Variants in DIP2C observed in about 807,000 individuals in gnomAD.
DIP2C encodes the protein DIP2 acetate--CoA ligase C (putative), also known as disco-interacting protein 2 homolog C.
In DIP2C, 33 loss-of-function variants were observed where a neutral mutation model predicts 192.4. The observed-to-expected ratio is 0.17, with a 90% confidence interval of 0.13 to 0.23. The LOEUF (loss-of-function observed/expected upper bound fraction) is 0.23. Among genes scored for constraint, DIP2C ranks in the 10% least tolerant of loss-of-function variants. The pLI is 1.00. For missense variants in DIP2C, 1,537 were observed against 2,110.1 expected (o/e 0.73, Z 5.32); for synonymous variants, 979 against 864.1 (o/e 1.13, Z -2.33).
intron 3 of DIP2C, among the ~76,000 whole-genome samples, chr10:458,845 G>A (rs367822185): frequency 3.9e-5 from 6 of 152,296 alleles, no homozygotes; most frequent in South Asian, 2.1e-4. Context: ...CAGAGTGCTC[G>A]GAACCCAGAA....
intron 2 of DIP2C, among the ~76,000 whole-genome samples, chr10:486,054 TG>T (rs1843991119): frequency 6.6e-6 from 1 of 152,242 alleles, no homozygotes; most frequent in Non-Finnish European, 1.5e-5. Context: ...TGCCAAGTCC[TG>T]GGCGGGGTAT....
At chr10:455,018 A>G (rs923414194) in intron 3 of DIP2C, among the ~76,000 whole-genome samples, 1 of 152,182 alleles carries the variant, frequency 6.6e-6, no homozygotes, top group Admixed American at 6.5e-5. Context: ...ACAGCATTAC[A>G]CAGTGAGCAC....
At chr10:528,923 C>G (rs79626971) in intron 1 of DIP2C, among the ~76,000 whole-genome samples, 1 of 152,174 alleles carries the variant, frequency 6.6e-6, no homozygotes, top group African/African-American at 2.4e-5. Flanking sequence ...CTAAATAACA[C>G]GCAAGAAACA....
intron 31 of DIP2C, among the ~76,000 whole-genome samples, chr10:320,242 G>A: frequency 6.6e-6 from 1 of 152,316 alleles, no homozygotes; most frequent in South Asian, 2.1e-4. Context: ...TACACACACA[G>A]ATTGGCACTT....
chr10:323,521 G>A (rs1957122024), intron 31 of DIP2C, among the ~76,000 whole-genome samples: 1 of 152,220 alleles, frequency 6.6e-6, no homozygotes, highest in Non-Finnish European at 1.5e-5. Flanking sequence ...ACTCACTCAC[G>A]ATGCTGCTGC....
intron 1 of DIP2C, among the ~76,000 whole-genome samples, chr10:527,470 G>A (rs571832287): frequency 3.9e-5 from 6 of 152,330 alleles, no homozygotes; most frequent in South Asian, 2.1e-4. Context: ...AGAGCAAAAA[G>A]ATGTGGTGTT....
intron 4 of DIP2C, among the ~76,000 whole-genome samples, chr10:435,138 T>TC (rs1318380534): frequency 6.6e-6 from 1 of 152,192 alleles, no homozygotes; most frequent in Non-Finnish European, 1.5e-5. Context: ...TCTGTAGTCG[T>TC]CCCATAGTGC....
At chr10:297,241 T>TACACACAC (rs140637166) in intron 32 of DIP2C, among the ~76,000 whole-genome samples, 1,548 of 115,596 alleles carry the variant, frequency 0.013, 20 homozygotes, top group East Asian at 0.02. Flanking sequence ...CCCCACCACA[T>TACACACAC]ACACACACAC....
intron 1 of DIP2C, among the ~76,000 whole-genome samples, chr10:492,037 A>G (rs1438100469): frequency 7.2e-5 from 11 of 152,072 alleles, no homozygotes; most frequent in African/African-American, 2.7e-4. Flanking sequence ...CCCAGAAAAC[A>G]GGGGCTAAGA....
intron 9 of DIP2C, among the ~76,000 whole-genome samples, chr10:406,878 A>T (rs1477589949): frequency 6.6e-6 from 1 of 152,066 alleles, no homozygotes; most frequent in Non-Finnish European, 1.5e-5. Context: ...GGAGCAGCTG[A>T]CACCACCCAG....
chr10:512,342 T>C (rs2130777471), intron 1 of DIP2C, among the ~76,000 whole-genome samples: 1 of 152,240 alleles, frequency 6.6e-6, no homozygotes, highest in South Asian at 2.1e-4. Context: ...GCAGATTGCT[T>C]GAGCCCAGGA....
chr10:580,888 G>A (rs529546933), intron 1 of DIP2C, among the ~76,000 whole-genome samples: 3 of 152,366 alleles, frequency 2.0e-5, no homozygotes, highest in Middle Eastern at 6.8e-3. Flanking sequence ...TCCTAACATA[G>A]TACACGTCAG....
chr10:561,759 C>G (rs1849230708), intron 1 of DIP2C, among the ~76,000 whole-genome samples: 1 of 148,740 alleles, frequency 6.7e-6, no homozygotes, highest in Non-Finnish European at 1.5e-5. Context: ...CTCCTCATTC[C>G]AGAGAGAGCA....
At chr10:321,147 C>A (rs1041075812) in intron 31 of DIP2C, among the ~76,000 whole-genome samples, 1 of 152,202 alleles carries the variant, frequency 6.6e-6, no homozygotes, top group Non-Finnish European at 1.5e-5. Context: ...AAACAAACAC[C>A]CAATGTGTCT....
chr10:529,323 G>C (rs1445570718), intron 1 of DIP2C, among the ~76,000 whole-genome samples: 3 of 148,872 alleles, frequency 2.0e-5, no homozygotes, highest in Non-Finnish European at 4.4e-5. Context: ...AGAGCTGAAA[G>C]TGCTCTGTCC....
chr10:589,780 G>T (rs369796920), intron 1 of DIP2C, among the ~76,000 whole-genome samples: 1 of 152,222 alleles, frequency 6.6e-6, no homozygotes. Context: ...ACTGCCCTAT[G>T]CAGAGGTGAG....
At chr10:369,370 T>G in intron 18 of DIP2C, 124 bp downstream of exon 18, 1 of 1,216,508 alleles carries the variant, frequency 8.2e-7, no homozygotes, top group Non-Finnish European at 1.1e-6. Context: ...AGACTGGGAG[T>G]GAGGCTCTCA....
intron 32 of DIP2C, among the ~76,000 whole-genome samples, chr10:288,927 C>T (rs1027111324): frequency 2.0e-5 from 3 of 152,216 alleles, no homozygotes; most frequent in African/African-American, 7.2e-5. Flanking sequence ...AGAAAAGAAA[C>T]TCTTACTTCA....
rs200606469 is a variant in DIP2C, at chr10:387,723, C to A, written c.1662+22G>T. On this transcript the variant is annotated intron_variant, in intron 14 of 36. Transcript: ENST00000280886. ...TGGGGGACTCCTTTGTGGACAGACA[C>A]GGCCGGGGGGACCTCACTTACTGTC... 6.2e-6 allele frequency: 10 copies of A among 1,613,614 alleles called. No homozygotes were observed. The South Asian group carries it at 7.7e-5, about 12-fold the overall frequency.
Sources: allele counts gnomAD v4.1 joint callset (sites outside exome capture counted in the v4.1 genomes callset), GRCh38; gene constraint gnomAD v4.1.1; transcripts MANE v1.5; gene names NCBI Gene and HGNC (gene_info 2026-07-23, HGNC 2026-07-21).